The following PARPBP variants were observed in gnomAD, a reference collection of about 807,000 sequenced individuals.
PARPBP encodes PCNA-interacting partner.
Under a neutral mutation model 50.0 loss-of-function variants are expected in PARPBP, and 52 were observed. The observed-to-expected ratio is 1.04, with a 90% CI of 0.83 to 1.31. The LOEUF is 1.31. PARPBP is among the 50% of genes most tolerant of loss of function. The pLI is 0.00. For synonymous variants in PARPBP, 244 were observed against 232.1 expected (o/e 1.05, Z -0.47); for missense variants, 697 against 672.0 (o/e 1.04, Z -0.41).
chr12:102,179,656 A>G (rs971689597), intron 8 of PARPBP, among the ~76,000 whole-genome samples: 2 of 152,126 alleles, frequency 1.3e-5, no homozygotes, highest in African/African-American at 4.8e-5. Context: ...ACCTCATTTA[A>G]TCTTAATTAC....
At position 102,165,763 on chromosome 12, in the gene PARPBP, G is replaced by A. The variant is rs1888076218; in HGVS notation, c.701G>A (p.Gly234Glu). The stretch of plus-strand genomic sequence containing the variant: ...TCTTTTATTAGAACAATAGAGCTTG[G>A]AGGGAAAGGATATGCACCACCACCA... Reference protein sequence around the residue: ...ATSFIRTIELGGKGYAPPPSD... With the variant: ...ATSFIRTIELEGKGYAPPPSD... The change falls in exon 6 of 11, where the codon GGA becomes GAA. Residue 234 changes from glycine to glutamate, a missense_variant. Gly to Glu is a moderately conservative substitution (Grantham distance 98). Transcript: ENST00000327680. The A allele has an allele frequency of 3.7e-6, 6 of 1,609,800 alleles. No homozygotes were observed. The highest frequency in any genetic ancestry group is 5.1e-6 in the Non-Finnish European group (6 of 1,177,374).
At chr12:102,164,953 T>C (rs1439516354) in intron 5 of PARPBP, among the ~76,000 whole-genome samples, 2 of 152,226 alleles carry the variant, frequency 1.3e-5, no homozygotes, top group African/African-American at 4.8e-5. Flanking sequence ...TTATTGGTTA[T>C]ACATAATCCA....
At chr12:102,143,571 G>T (rs1884955143) in intron 2 of PARPBP, among the ~76,000 whole-genome samples, 2 of 152,154 alleles carry the variant, frequency 1.3e-5, no homozygotes, top group African/African-American at 4.8e-5. Flanking sequence ...GCTCATACTG[G>T]GAGCTGTAGA....
chr12:102,195,682 A>C (rs1232338122), intron 10 of PARPBP, among the ~76,000 whole-genome samples: 1 of 151,780 alleles, frequency 6.6e-6, no homozygotes, highest in Non-Finnish European at 1.5e-5. Flanking sequence ...CATATGTTTA[A>C]GGATTAAATG....
At chr12:102,176,853 C>T (rs1057091739) in intron 7 of PARPBP, among the ~76,000 whole-genome samples, 3 of 152,102 alleles carry the variant, frequency 2.0e-5, no homozygotes, top group Admixed American at 2.0e-4. Flanking sequence ...GGGTTGTTGA[C>T]CTGTGTATTT....
chr12:102,149,144 T>G (rs2138741837), intron 3 of PARPBP: 1 of 152,316 alleles, frequency 6.6e-6, no homozygotes, highest in East Asian at 1.9e-4. Context: ...AGTTAAATAG[T>G]GGCAATAAAT....
At chr12:102,133,080 G>C (rs994556888) in intron 2 of PARPBP, among the ~76,000 whole-genome samples, 2 of 152,074 alleles carry the variant, frequency 1.3e-5, no homozygotes, top group African/African-American at 4.8e-5. Flanking sequence ...ATAAGAACAT[G>C]TTATCTGTAA....
intron 6 of PARPBP, among the ~76,000 whole-genome samples, 166 bp from the exon 7 acceptor site, chr12:102,175,317 G>T (rs553060661): frequency 6.6e-6 from 1 of 152,106 alleles, no homozygotes; most frequent in African/African-American, 2.4e-5. Context: ...TTTAAATTTT[G>T]TTTCTAATGG....
chr12:102,133,585 C>T (rs1467404803), intron 2 of PARPBP, among the ~76,000 whole-genome samples: 1 of 151,856 alleles, frequency 6.6e-6, no homozygotes, highest in African/African-American at 2.4e-5. Context: ...TGGATATTGT[C>T]CTCTAATTTT....
chr12:102,134,135 TA>T (rs1883266825), intron 2 of PARPBP, among the ~76,000 whole-genome samples: 1 of 136,326 alleles, frequency 7.3e-6, no homozygotes, highest in Admixed American at 7.7e-5. Context: ...AAATAGAGAC[TA>T]AAAAAACAAT....
intron 2 of PARPBP, among the ~76,000 whole-genome samples, chr12:102,134,035 C>A (rs184702297): frequency 1.0e-3 from 151 of 151,536 alleles, no homozygotes; most frequent in Middle Eastern, 3.4e-3. Context: ...ATAAACTTAA[C>A]ATTACACCAA....
chr12:102,197,414 G>A lies in PARPBP; in HGVS notation c.*1123G>A. On this transcript the variant is annotated 3_prime_UTR_variant, in exon 11 of 11. Transcript: ENST00000327680. ...AGTCGTCCTAATGCATATTGTGACT[G>A]TTTGCATATACTTCTGTTTATAAAA... is the stretch of plus-strand genomic sequence containing the variant. The A allele has an allele frequency of 9.5e-7, 1 of 1,052,742 alleles. No homozygotes were observed. Among genetic ancestry groups the A allele is most frequent in the East Asian group, 2.4e-5 (1 of 41,972 alleles). 65.2% of individuals were successfully genotyped at this position (1,052,742 alleles called of 1,614,324 possible). A position where few individuals can be genotyped will look rare whatever the true frequency, so the allele number is the denominator to read the frequency against.
chr12:102,151,159 G>A (rs1353144395), intron 3 of PARPBP, among the ~76,000 whole-genome samples: 1 of 152,162 alleles, frequency 6.6e-6, no homozygotes, highest in African/African-American at 2.4e-5. Flanking sequence ...GGGAATGACA[G>A]CAACTTGAAT....
chr12:102,128,901 T>A (rs12369756), intron 2 of PARPBP, among the ~76,000 whole-genome samples: 28,467 of 152,178 alleles, frequency 0.19, 2,708 homozygotes, highest in Non-Finnish European at 0.21. Context: ...CATACTGTAA[T>A]GCTTATACTA....
chr12:102,184,046 G>GAAAAAA (rs71438459), intron 9 of PARPBP, among the ~76,000 whole-genome samples: 1,626 of 59,628 alleles, frequency 0.027, 92 homozygotes, highest in East Asian at 0.24. Context: ...GACTCTATCT[G>GAAAAAA]AAAAAAAAAA....
At chr12:102,186,439 T>G (rs1189852687) in intron 9 of PARPBP, among the ~76,000 whole-genome samples, 1 of 152,100 alleles carries the variant, frequency 6.6e-6, no homozygotes, top group Non-Finnish European at 1.5e-5. Flanking sequence ...TTCTTGTTTT[T>G]GGATGTAGGT....
chr12:102,143,791 T>G (rs1185607833), intron 2 of PARPBP, among the ~76,000 whole-genome samples: 1 of 152,176 alleles, frequency 6.6e-6, no homozygotes, highest in Admixed American at 6.5e-5. Flanking sequence ...TTTTTTTGCC[T>G]TAAATTGTCT....
At chr12:102,128,440 C>T (rs897930677) in intron 2 of PARPBP, among the ~76,000 whole-genome samples, 20 of 152,154 alleles carry the variant, frequency 1.3e-4, no homozygotes, top group Non-Finnish European at 2.8e-4. Context: ...ACCGTGTTAG[C>T]CAGGATGGTC....
chr12:102,171,738 G>A (rs949742607), intron 6 of PARPBP, among the ~76,000 whole-genome samples: 6 of 151,818 alleles, frequency 4.0e-5, no homozygotes, highest in Non-Finnish European at 5.9e-5. Context: ...TGGTGGTGGC[G>A]GGCGCCTGTA....
Sources: allele counts gnomAD v4.1 joint callset (sites outside exome capture counted in the v4.1 genomes callset), GRCh38; gene constraint gnomAD v4.1.1; transcripts MANE v1.5; gene names NCBI Gene and HGNC (gene_info 2026-07-23, HGNC 2026-07-21).